FGF1: variants seen among roughly 807,000 people sequenced by gnomAD.
The protein encoded by FGF1 is beta-endothelial cell growth factor.
A neutral mutation model predicts 13.4 loss-of-function variants in FGF1; 9 were observed. The observed-to-expected ratio is 0.67, with a 90% CI of 0.40 to 1.17. The LOEUF (loss-of-function observed/expected upper bound fraction) is 1.17. Among genes scored for constraint, FGF1 ranks in the 50% most tolerant of loss-of-function variants. The probability of loss-of-function intolerance (pLI) is 0.01; values close to 1 mark genes in which losing one functional copy is unlikely to be tolerated. For missense variants in FGF1, 156 were observed against 192.7 expected (o/e 0.81, Z 1.13); for synonymous variants, 93 against 79.0 (o/e 1.18, Z -0.94).
In FGF1 at chr5:142,614,096, G is replaced by T. The variant is rs1302333841; in HGVS notation, c.32C>A (p.Ala11Asp). ...AGGCAGATTAAACTTCTCGGTCAGG[G>T]CTGTGAAGGTGGTGATTTCCCCTTC... MAEGEITTFT[A>D]LTEKFNLPPG... The change falls in exon 2 of 4, where the codon GCC becomes GAC. Residue 11 changes from alanine (A) to aspartate (D), a missense_variant. Physicochemically the swap from Ala to Asp is moderately radical, Grantham distance 126. Coordinates refer to ENST00000337706, the MANE Select transcript of FGF1 (RefSeq NM_000800.5). 6.2e-7 allele frequency: 1 copy of T among 1,614,210 alleles called. No individual in the cohort carries two copies. The highest frequency in any genetic ancestry group is 1.1e-5 in the South Asian group (1 of 91,082).
At chr5:142,609,033 T>C (rs1184990259) in intron 2 of FGF1, among the ~76,000 whole-genome samples, 2 of 151,964 alleles carry the variant, frequency 1.3e-5, no homozygotes, top group African/African-American at 4.8e-5. Flanking sequence ...TTCGGGTCTA[T>C]GTTGGTGGGG....
chr5:142,624,226 C>G (rs1475441338), intron 1 of FGF1, among the ~76,000 whole-genome samples: 2 of 152,056 alleles, frequency 1.3e-5, no homozygotes, highest in African/African-American at 4.8e-5. Flanking sequence ...GGCTGTCTGG[C>G]TAACTTTTAA....
At chr5:142,605,468 T>C (rs190383588) in intron 2 of FGF1, among the ~76,000 whole-genome samples, 1 of 152,224 alleles carries the variant, frequency 6.6e-6, no homozygotes, top group Non-Finnish European at 1.5e-5. Flanking sequence ...TGCATTTCTG[T>C]TTTGCTGCCT....
At chr5:142,637,268 G>A (rs1195476310) in intron 1 of FGF1, among the ~76,000 whole-genome samples, 1 of 151,580 alleles carries the variant, frequency 6.6e-6, no homozygotes, top group Non-Finnish European at 1.5e-5. Flanking sequence ...CTTTGAGAAT[G>A]TGGAGGTCAT....
At chr5:142,681,363 T>G (rs1773658543) in intron 1 of FGF1, among the ~76,000 whole-genome samples, 1 of 152,182 alleles carries the variant, frequency 6.6e-6, no homozygotes, top group South Asian at 2.1e-4. Flanking sequence ...CCCAGCACGC[T>G]TGCTGTGCTT....
chr5:142,685,425 C>T (rs1175062711), intron 1 of FGF1: 2 of 152,156 alleles, frequency 1.3e-5, no homozygotes, highest in Admixed American at 1.3e-4. Flanking sequence ...ACAGCTTTTC[C>T]AAGGCAGCTG....
At chr5:142,689,674 CTG>C (rs1045637326), upstream of FGF1, among the ~76,000 whole-genome samples, 30 of 146,438 alleles carry the variant, frequency 2.0e-4, no homozygotes, top group Non-Finnish European at 1.5e-5. Context: ...GCCTATTCTA[CTG>C]TGTTTTCCTC....
intron 1 of FGF1, among the ~76,000 whole-genome samples, chr5:142,627,549 A>G (rs895366424): frequency 2.6e-5 from 4 of 152,336 alleles, no homozygotes; most frequent in Admixed American, 1.3e-4. Context: ...CTTGGATATG[A>G]AGAAGGAATG....
chr5:142,669,320 T>C (rs963096422), intron 1 of FGF1, among the ~76,000 whole-genome samples: 18 of 152,178 alleles, frequency 1.2e-4, no homozygotes, highest in Admixed American at 1.3e-4. Context: ...TCTGAAAAGC[T>C]CATCAGCCCT....
rs184145457 is a variant in FGF1, at chr5:142,656,040, A to C, written c.-35+29917T>G. On this transcript the variant is annotated intron_variant, in intron 1 of 3. Transcript: ENST00000337706. ...ATGATCTGAAAATATAATTAAACTG[A>C]TGACTTCACATATTAAATACCAAGT... Among the ~76,000 whole-genome samples the C allele has an allele frequency of 2.6e-5, 4 of 152,316 alleles. No individual in the cohort carries two copies. The East Asian group carries it at 7.7e-4, about 29-fold the overall frequency.
At chr5:142,693,905 A>G (rs549427435) in intron 2 of FGF1, among the ~76,000 whole-genome samples, 2 of 151,478 alleles carry the variant, frequency 1.3e-5, no homozygotes, top group South Asian at 4.2e-4. Flanking sequence ...ACCACATTTT[A>G]TTTCTCTGTT....
chr5:142,606,494 G>A (rs1357234651), intron 2 of FGF1, among the ~76,000 whole-genome samples: 1 of 151,760 alleles, frequency 6.6e-6, no homozygotes, highest in African/African-American at 2.4e-5. Context: ...GTGTTGGTGG[G>A]CGCCTGTAAT....
intron 2 of FGF1, 131 bp from the exon 3 acceptor site, chr5:142,600,936 G>C: frequency 1.5e-6 from 1 of 658,052 alleles, no homozygotes; most frequent in Admixed American, 2.4e-5. Context: ...ATGAGCCTCA[G>C]ATTAATCAAA....
intron 1 of FGF1, among the ~76,000 whole-genome samples, chr5:142,638,296 C>T (rs550013173): frequency 4.6e-5 from 7 of 152,080 alleles, no homozygotes; most frequent in Non-Finnish European, 7.4e-5. Flanking sequence ...TGGCATGGAC[C>T]TCTCTTTGCC....
chr5:142,617,551 T>G (rs1298103126), intron 1 of FGF1, among the ~76,000 whole-genome samples: 1 of 152,098 alleles, frequency 6.6e-6, no homozygotes, highest in Non-Finnish European at 1.5e-5. Flanking sequence ...AACTCTGCTC[T>G]CTGCCTGATC....
intron 2 of FGF1, among the ~76,000 whole-genome samples, chr5:142,608,900 A>G (rs1052945175): frequency 1.3e-5 from 2 of 151,962 alleles, no homozygotes; most frequent in East Asian, 1.9e-4. Flanking sequence ...CCCATCACAT[A>G]TGACCGAGGT....
chr5:142,684,172 A>T (rs1774258465), intron 1 of FGF1, among the ~76,000 whole-genome samples: 1 of 152,240 alleles, frequency 6.6e-6, no homozygotes, highest in African/African-American at 2.4e-5. Flanking sequence ...TGTAGTTCAC[A>T]GAATGCATGT....
At chr5:142,644,160 T>C (rs566376994) in intron 1 of FGF1, 1 of 152,272 alleles carries the variant, frequency 6.6e-6, no homozygotes, top group Non-Finnish European at 1.5e-5. Context: ...AAGCCCTTCT[T>C]TGAGCAGTGA....
chr5:142,640,426 T>TGC (rs1554084919), intron 1 of FGF1, among the ~76,000 whole-genome samples: 1 of 71,016 alleles, frequency 1.4e-5, no homozygotes, highest in Non-Finnish European at 2.9e-5. Flanking sequence ...TGGAGTATGG[T>TGC]GGGGGGGGGG....
Sources: allele counts gnomAD v4.1 joint callset (sites outside exome capture counted in the v4.1 genomes callset), GRCh38; gene constraint gnomAD v4.1.1; transcripts MANE v1.5; gene names NCBI Gene and HGNC (gene_info 2026-07-23, HGNC 2026-07-21).